RASAL2: variants seen among roughly 807,000 people sequenced by gnomAD.
RASAL2 encodes RAS protein activator like 2, also known as ras GTPase-activating protein nGAP.
RASAL2 carries 58 observed loss-of-function variants against 128.9 expected under a neutral mutation model. The observed-to-expected ratio is 0.45, with a 90% CI of 0.36 to 0.56. The LOEUF (loss-of-function observed/expected upper bound fraction) is 0.56, where lower values mean the gene tolerates loss of function less well. Among genes scored for constraint, RASAL2 ranks in the 20% least tolerant of loss-of-function variants. RASAL2 has a pLI of 0.00. For synonymous variants in RASAL2, 561 were observed against 580.8 expected (o/e 0.97, Z 0.49); for missense variants, 1,360 against 1,601.6 (o/e 0.85, Z 2.57).
intron 3 of RASAL2, among the ~76,000 whole-genome samples, chr1:178,326,347 C>T (rs1669039287): frequency 1.3e-5 from 2 of 151,916 alleles, no homozygotes. Flanking sequence ...CATAATTATC[C>T]CTCATAAGTG....
At chr1:178,212,473 G>A (rs1663285859) in intron 1 of RASAL2, among the ~76,000 whole-genome samples, 1 of 152,126 alleles carries the variant, frequency 6.6e-6, no homozygotes, top group Admixed American at 6.5e-5. Flanking sequence ...GAAGTGAGAT[G>A]ATGTAGACTT....
chr1:178,318,378 A>G (rs1668588029), intron 3 of RASAL2, among the ~76,000 whole-genome samples: 1 of 151,364 alleles, frequency 6.6e-6, no homozygotes, highest in South Asian at 2.1e-4. Context: ...GATCTGTCTA[A>G]TGTTGACAGT....
At chr1:178,408,056 G>T (rs1223168546) in intron 4 of RASAL2, among the ~76,000 whole-genome samples, 1 of 152,094 alleles carries the variant, frequency 6.6e-6, no homozygotes, top group Non-Finnish European at 1.5e-5. Context: ...TATTTTGAAA[G>T]AAAATAATGA....
Position 178,170,730 on chromosome 1 carries a change from T to G in RASAL2, c.202+76036T>G, listed in dbSNP as rs150554120. 1.2e-3 allele frequency among the ~76,000 whole-genome samples: 175 copies of G among 151,852 alleles called. 4 individuals are homozygous for G. In the East Asian group the frequency reaches 0.031, roughly 27 times the overall value. On this transcript the variant is annotated intron_variant, in intron 1 of 17. Transcript: ENST00000367649. ...AGCTCTTATCTATCTATAACTCTTTTTCAGTTCTTTAGGTTTTAAATATTA... is the reference window on the plus strand; with the variant it reads ...AGCTCTTATCTATCTATAACTCTTTGTCAGTTCTTTAGGTTTTAAATATTA...
At position 178,258,293 on chromosome 1, in the gene RASAL2, CA is replaced by C. The variant is rs993642772; in HGVS notation, c.203-25253del. The stretch of plus-strand genomic sequence containing the variant: ...TGGGCAACAGAGCAAGACTGCATCT[CA>C]AAAAAAAAAAAAAAAAAGACGACAG... On this transcript the variant is annotated intron_variant, in intron 1 of 17. Transcript: ENST00000367649. 8.1e-3 allele frequency among the ~76,000 whole-genome samples: 563 copies of C among 69,378 alleles called. 1 individual carries two copies. The highest frequency in any genetic ancestry group is 0.027 in the South Asian group (52 of 1,940). The allele number at this position is 69,378 out of a possible 152,430, so 45.5% of individuals were successfully genotyped here.
intron 5 of RASAL2, among the ~76,000 whole-genome samples, chr1:178,428,957 A>C (rs3791023): frequency 0.1 from 15,621 of 152,148 alleles, 855 homozygotes; most frequent in Middle Eastern, 0.14. Context: ...AAAAGATGAG[A>C]AAGAGGATAA....
rs148830015 is a variant in RASAL2, at chr1:178,283,676, C to T, written c.315C>T (p.Leu105=). 70 of 1,612,988 alleles carry T rather than the reference C, an allele frequency of 4.3e-5. No individual in the cohort carries two copies. The highest frequency in any genetic ancestry group is 5.7e-5 in the Non-Finnish European group (67 of 1,179,684). ...CILTDSQLVL[L]NKEKEIPVEG... ...TCACAGACAGCCAGTTGGTATTGCT[C>T]AACAAGGAGAAGGAGGTGAGATGGA... Residue 105 remains leucine (L), a synonymous_variant, in exon 2 of 18, where the codon CTC becomes CTT. Coordinates refer to ENST00000367649, the MANE Select transcript of RASAL2 (RefSeq NM_170692.4).
intron 3 of RASAL2, among the ~76,000 whole-genome samples, chr1:178,360,978 A>G (rs78440841): frequency 0.048 from 7,362 of 152,280 alleles, 596 homozygotes; most frequent in African/African-American, 0.16. Flanking sequence ...TACTAGAGAT[A>G]TGAAGTTAAA....
chr1:178,244,469 C>T (rs536004992), intron 1 of RASAL2, among the ~76,000 whole-genome samples: 6 of 152,110 alleles, frequency 3.9e-5, no homozygotes, highest in Non-Finnish European at 8.8e-5. Flanking sequence ...TCTTGAACTC[C>T]TGACCTTGTA....
intron 3 of RASAL2, among the ~76,000 whole-genome samples, chr1:178,306,166 C>T (rs946178285): frequency 3.9e-5 from 6 of 152,212 alleles, no homozygotes; most frequent in South Asian, 2.1e-4. Context: ...TTTGTTCTTG[C>T]GATAGTTTAC....
intron 5 of RASAL2, among the ~76,000 whole-genome samples, chr1:178,438,507 G>T (rs1345883139): frequency 6.6e-6 from 1 of 151,876 alleles, no homozygotes; most frequent in Non-Finnish European, 1.5e-5. Context: ...GAGTCAAACT[G>T]CATGGCCATC....
At chr1:178,139,185 G>C (rs760408121) in intron 1 of RASAL2, among the ~76,000 whole-genome samples, 10 of 151,946 alleles carry the variant, frequency 6.6e-5, no homozygotes, top group Non-Finnish European at 1.0e-4. Context: ...AAAATATCTA[G>C]TGGATCTCAA....
At chr1:178,467,154 G>A (rs1490863979) in intron 16 of RASAL2, among the ~76,000 whole-genome samples, 180 bp from the exon 17 acceptor site, 1 of 152,160 alleles carries the variant, frequency 6.6e-6, no homozygotes, top group Non-Finnish European at 1.5e-5. Context: ...AAATGTGTGG[G>A]ATCCAGGCAC....
At chr1:178,236,752 A>G (rs1664261552) in intron 1 of RASAL2, among the ~76,000 whole-genome samples, 1 of 143,840 alleles carries the variant, frequency 7.0e-6, no homozygotes, top group South Asian at 2.2e-4. Context: ...TATATTGGAC[A>G]CTACTTTTTT....
At chr1:178,182,831 C>T (rs1434831964) in intron 1 of RASAL2, among the ~76,000 whole-genome samples, 1 of 131,984 alleles carries the variant, frequency 7.6e-6, no homozygotes, top group Non-Finnish European at 1.6e-5. Context: ...TTGTGGAAGA[C>T]AATTTTTCCA....
At chr1:178,331,232 T>C (rs951524370) in intron 3 of RASAL2, among the ~76,000 whole-genome samples, 5 of 152,200 alleles carry the variant, frequency 3.3e-5, no homozygotes, top group South Asian at 2.1e-4. Flanking sequence ...CAGGCCAAGA[T>C]ACAGTGCTGC....
chr1:178,165,322 A>G (rs1661483292), intron 1 of RASAL2, among the ~76,000 whole-genome samples: 1 of 152,190 alleles, frequency 6.6e-6, no homozygotes, highest in African/African-American at 2.4e-5. Flanking sequence ...GGATTCAGGA[A>G]AAAAGTTGTA....
chr1:178,193,559 A>AG (rs1336977513), intron 1 of RASAL2, among the ~76,000 whole-genome samples: 1 of 152,082 alleles, frequency 6.6e-6, no homozygotes, highest in African/African-American at 2.4e-5. Flanking sequence ...TTTAAAAAAA[A>AG]GTTTTTTCTT....
intron 4 of RASAL2, among the ~76,000 whole-genome samples, chr1:178,416,227 A>AT (rs1674744887): frequency 6.6e-6 from 1 of 152,060 alleles, no homozygotes; most frequent in African/African-American, 2.4e-5. Context: ...AGTTATACTT[A>AT]TTTTTTAAAA....
Sources: allele counts gnomAD v4.1 joint callset (sites outside exome capture counted in the v4.1 genomes callset), GRCh38; gene constraint gnomAD v4.1.1; transcripts MANE v1.5; gene names NCBI Gene and HGNC (gene_info 2026-07-23, HGNC 2026-07-21).